NSD2: variants seen among roughly 807,000 people sequenced by gnomAD.
NSD2 encodes histone-lysine N-methyltransferase NSD2.
NSD2 carries 12 observed loss-of-function variants against 139.0 expected under a neutral mutation model. That is an observed-to-expected ratio of 0.09 (90% CI 0.06 to 0.14). The LOEUF (loss-of-function observed/expected upper bound fraction) is 0.14. Among genes scored for constraint, NSD2 ranks in the 10% least tolerant of loss-of-function variants. The pLI, the probability that NSD2 is intolerant of heterozygous loss-of-function variation, is 1.00. For synonymous variants in NSD2, 669 were observed against 648.7 expected, an observed-to-expected ratio of 1.03 and a Z score of -0.48; for missense variants, 1,155 against 1,745.0, an observed-to-expected ratio of 0.66 and a Z score of 6.02.
intron 1 of NSD2, among the ~76,000 whole-genome samples, chr4:1,874,842 C>T (rs1021482749): frequency 1.3e-5 from 2 of 152,172 alleles, no homozygotes; most frequent in African/African-American, 4.8e-5. Context: ...TATTTGTAAA[C>T]TGTATGATTT....
At position 1,896,540 on chromosome 4, in the gene NSD2, A is replaced by AT. The variant is rs1028201966; in HGVS notation, c.-29-4080dup. ...TGCGCCAGTGTGCCTGGCTAATTTT[A>AT]TTTTTTGTAGAGACAGGGTCTCACT... On this transcript the variant is annotated intron_variant, in intron 1 of 21. Coordinates refer to ENST00000508803, the MANE Select transcript of NSD2 (RefSeq NM_001042424.3). Among the ~76,000 whole-genome samples, 29 of 152,014 alleles carry AT rather than the reference A, an allele frequency of 1.9e-4. 1 individual carries two copies. Among genetic ancestry groups the AT allele is most frequent in the African/African-American group, 6.3e-4 (26 of 41,354 alleles).
intron 1 of NSD2, among the ~76,000 whole-genome samples, chr4:1,882,940 G>T (rs1714812291): frequency 6.6e-6 from 1 of 152,166 alleles, no homozygotes; most frequent in Admixed American, 6.5e-5. Context: ...TGAATTTCCT[G>T]ACTGATAAGT....
chr4:1,968,645 CAA>C (rs1420383199), intron 18 of NSD2, among the ~76,000 whole-genome samples: 1 of 151,928 alleles, frequency 6.6e-6, no homozygotes, highest in African/African-American at 2.4e-5. Context: ...AAAAAAAAAT[CAA>C]AATGTCAATA....
chr4:1,898,365 C>A (rs1050121421), intron 1 of NSD2, among the ~76,000 whole-genome samples: 3 of 152,152 alleles, frequency 2.0e-5, no homozygotes, highest in African/African-American at 7.2e-5. Context: ...ACCACATTCC[C>A]CTTAAAAATG....
At chr4:1,899,488 G>C (rs114728242) in intron 1 of NSD2, 1 of 152,234 alleles carries the variant, frequency 6.6e-6, no homozygotes. Flanking sequence ...TTTGAGAACC[G>C]CTGTTCTAGT....
rs758861154 is a variant in NSD2 at position 1,885,123 on chromosome 4, T to A, written c.-30+13581T>A. Among the ~76,000 whole-genome samples the A allele has an allele frequency of 1.3e-3, 195 of 144,920 alleles. 1 individual carries two copies. In the East Asian group the frequency reaches 0.022, roughly 16 times the overall value. On this transcript the variant is annotated intron_variant, in intron 1 of 21. Transcript: ENST00000508803. ...AAAACTCTGTTTCAAAAAAAAAAAATAAAAATAAAAAAAATAAAATTCAAC... is the reference window on the plus strand; with the variant it reads ...AAAACTCTGTTTCAAAAAAAAAAAAAAAAAATAAAAAAAATAAAATTCAAC...
chr4:1,891,626 G>A (rs955506005), intron 1 of NSD2, among the ~76,000 whole-genome samples: 1 of 152,118 alleles, frequency 6.6e-6, no homozygotes, highest in Non-Finnish European at 1.5e-5. Flanking sequence ...GCTGAGGCGG[G>A]CAGTTCACGA....
intron 6 of NSD2, among the ~76,000 whole-genome samples, chr4:1,934,870 AAAAAAAAAATATATATATATATAT>A (rs1722145716): frequency 1.1e-5 from 1 of 92,534 alleles, no homozygotes; most frequent in Non-Finnish European, 2.1e-5. Flanking sequence ...AAAAAAAAAA[AAAAAAAAAATATATATATATATAT>A]ATATATATAT....
Position 1,948,459 on chromosome 4 carries a change from G to A in NSD2, c.1882-2613G>A, listed in dbSNP as rs1430422263. 5.6e-6 allele frequency: 6 copies of A among 1,065,668 alleles called. No homozygotes were observed. The highest frequency in any genetic ancestry group is 5.0e-5 in the East Asian group (1 of 19,906). 66.0% of individuals were successfully genotyped at this position (1,065,668 alleles called of 1,614,324 possible). ...GCTGGAGTAAGGCTTGCTGTGGGAC[G>A]CCCTCGTACTTTGCTCTCCTTGCGG... On this transcript the variant is annotated intron_variant, in intron 9 of 21. Transcript: ENST00000508803. The surrounding 1 kb of genome is among the most constrained non-coding windows in gnomAD (Gnocchi z 4.5).
At chr4:1,953,902 T>C (rs1300304855) in intron 12 of NSD2, among the ~76,000 whole-genome samples, 2 of 150,402 alleles carry the variant, frequency 1.3e-5, no homozygotes, top group Non-Finnish European at 3.0e-5. Flanking sequence ...AGCTGTCCTC[T>C]CGGGCTCAAG....
At chr4:1,878,430 C>T (rs1042889546) in intron 1 of NSD2, among the ~76,000 whole-genome samples, 7 of 151,576 alleles carry the variant, frequency 4.6e-5, no homozygotes, top group Non-Finnish European at 1.0e-4. Context: ...TTTAATTATT[C>T]TGTTGCTATC....
intron 9 of NSD2, chr4:1,941,470 G>C (rs1723088914): frequency 9.5e-7 from 1 of 1,047,400 alleles, no homozygotes; most frequent in Non-Finnish European, 1.2e-6. Flanking sequence ...CATGAGTCAG[G>C]GGAGCTCAGT....
intron 2 of NSD2, among the ~76,000 whole-genome samples, chr4:1,903,299 G>C (rs947708772): frequency 6.6e-5 from 10 of 152,204 alleles, no homozygotes; most frequent in African/African-American, 2.2e-4. Flanking sequence ...ATTTCCACTG[G>C]AGAGCAGAAC....
Position 1,964,821 on chromosome 4 carries a change from T to A in NSD2, c.3372+3670T>A, listed in dbSNP as rs193055064. On this transcript the variant is annotated intron_variant, in intron 18 of 21. Transcript: ENST00000508803. ...ACAACTATGGGGAAAATAAGAAAAT[T>A]TAGAAAATTAGACAGTGACTGCATG... Among the ~76,000 whole-genome samples, 10 of 151,950 alleles carry A rather than the reference T, an allele frequency of 6.6e-5. No individual in the cohort carries two copies. The East Asian group carries it at 1.7e-3, about 26-fold the overall frequency.
Position 1,915,379 on chromosome 4 carries a change from G to A in NSD2, c.761-1492G>A, listed in dbSNP as rs185133256. ...TCCGCCTGCCTCGGCCTCCCAAAGTGCTGGGATTACAGGCTTGAGCCACTG... is the reference window on the plus strand; with the variant it reads ...TCCGCCTGCCTCGGCCTCCCAAAGTACTGGGATTACAGGCTTGAGCCACTG... On this transcript the variant is annotated intron_variant, in intron 3 of 21. Coordinates refer to ENST00000508803, the MANE Select transcript of NSD2 (RefSeq NM_001042424.3). 1.5e-3 allele frequency among the ~76,000 whole-genome samples: 229 copies of A among 152,222 alleles called. 1 individual carries two copies. The highest frequency in any genetic ancestry group is 2.4e-3 in the Non-Finnish European group (165 of 68,002).
rs1719477863 is a variant in NSD2, at chr4:1,916,987, T to C, written c.877T>C (p.Leu293=). The change falls in exon 4 of 22, where the codon TTA becomes CTA. Residue 293 remains leucine, a synonymous_variant. Coordinates refer to ENST00000508803, the MANE Select transcript of NSD2 (RefSeq NM_001042424.3). ...AFEGEGQFEK[L]CQESAKQAPT... is the part of the protein sequence containing the mutation. ...TGAAGGAGAAGGACAGTTTGAAAAA[T>C]TATGCCAGGAAAGTGCCAAGCAGGC... is the stretch of plus-strand genomic sequence containing the variant. 1 of 1,614,008 alleles carries C rather than the reference T, an allele frequency of 6.2e-7. No individual in the cohort carries two copies. Among genetic ancestry groups the C allele is most frequent in the Non-Finnish European group, 8.5e-7 (1 of 1,179,954 alleles).
At chr4:1,895,959 TG>T (rs1423104340) in intron 1 of NSD2, among the ~76,000 whole-genome samples, 2 of 152,234 alleles carry the variant, frequency 1.3e-5, no homozygotes, top group Non-Finnish European at 2.9e-5. Context: ...GACACTCACC[TG>T]GTGATGAGGA....
rs1017522310 is a variant in NSD2 at position 1,981,060 on chromosome 4, C to A, written c.*2151C>A. On this transcript the variant is annotated 3_prime_UTR_variant, in exon 22 of 22. Coordinates refer to ENST00000508803, the MANE Select transcript of NSD2 (RefSeq NM_001042424.3). ...AAACAGCAGAATCGGCTTTGCAGTGCACTTTGGGGAGCAGATATTAACTTA... is the reference window on the plus strand; with the variant it reads ...AAACAGCAGAATCGGCTTTGCAGTGAACTTTGGGGAGCAGATATTAACTTA... 8.6e-6 allele frequency: 2 copies of A among 233,108 alleles called. No individual in the cohort carries two copies. The highest frequency in any genetic ancestry group is 4.4e-5 in the African/African-American group (2 of 45,330). 14.4% of individuals were successfully genotyped at this position (233,108 alleles called of 1,614,324 possible).
At chr4:1,924,970 C>T (rs1720667308) in intron 5 of NSD2, among the ~76,000 whole-genome samples, 2 of 152,168 alleles carry the variant, frequency 1.3e-5, no homozygotes, top group East Asian at 1.9e-4. Flanking sequence ...ATGTCCAACA[C>T]TCTGCCCTGC....
Sources: gnomAD v4.1 joint callset for allele counts (sites outside exome capture counted in the v4.1 genomes callset) on GRCh38, gnomAD v4.1.1 for gene constraint, Gnocchi (gnomAD v3.1) non-coding constraint, MANE v1.5 for transcripts, NCBI Gene and HGNC (gene_info 2026-07-23, HGNC 2026-07-21) for gene names.